The following DPYSL5 variants were observed in gnomAD, a reference collection of about 807,000 sequenced individuals.
The protein encoded by DPYSL5 is dihydropyrimidinase like 5.
DPYSL5 carries 9 observed loss-of-function variants against 58.4 expected under a neutral mutation model. The ratio of observed to expected loss-of-function variants is 0.15; its 90% CI spans 0.09 to 0.27. The LOEUF (loss-of-function observed/expected upper bound fraction) is 0.27, where lower values mean the gene tolerates loss of function less well. Among genes scored for constraint, DPYSL5 ranks in the 10% least tolerant of loss-of-function variants. The pLI is 1.00. For missense variants in DPYSL5, 499 were observed against 770.6 expected, an observed-to-expected ratio of 0.65 and a Z score of 4.17; for synonymous variants, 293 against 301.9, an observed-to-expected ratio of 0.97 and a Z score of 0.31.
Position 26,942,774 on chromosome 2 carries a change from A to G in DPYSL5, c.1440+24A>G. On this transcript the variant is annotated intron_variant, in intron 11 of 12. Coordinates refer to ENST00000288699, the MANE Select transcript of DPYSL5 (RefSeq NM_020134.4). The surrounding 1 kb of genome is among the most constrained non-coding windows in gnomAD (Gnocchi z 5.9). ...AGGTGAGGTGGGAGGAGGAAGATGC[A>G]GGGGTGTTGGCGCCCCCTGCCGGGG... The G allele has an allele frequency of 6.2e-7, 1 of 1,607,194 alleles. No individual in the cohort carries two copies. Among genetic ancestry groups the G allele is most frequent in the Non-Finnish European group, 8.5e-7 (1 of 1,174,604 alleles).
At chr2:26,868,704 GATTTCAT>G (rs1234951761) in intron 1 of DPYSL5, among the ~76,000 whole-genome samples, 3 of 152,090 alleles carry the variant, frequency 2.0e-5, no homozygotes, top group Non-Finnish European at 4.4e-5. Context: ...TAACTACGGT[GATTTCAT>G]AGAGCATATT....
rs1276800437 is a variant in DPYSL5 at position 26,949,191 on chromosome 2, A to G, written c.*2196A>G. ...CCTGCTTTGTTTTGCACAGGAAGAT[A>G]GATTTTTTTTCTCATCTTTCTTATA... On this transcript the variant is annotated 3_prime_UTR_variant, in exon 13 of 13. Transcript: ENST00000288699. 1 of 152,220 alleles carries G rather than the reference A, an allele frequency of 6.6e-6. No individual in the cohort carries two copies. The highest frequency in any genetic ancestry group is 1.5e-5 in the Non-Finnish European group (1 of 68,044). The allele number at this position is 152,220 out of a possible 1,614,324, so 9.4% of individuals were successfully genotyped here. A position where few individuals can be genotyped will look rare whatever the true frequency, so the allele number is the denominator to read the frequency against.
In DPYSL5 at chr2:26,942,030, C is replaced by A. The variant is rs372069126; in HGVS notation, c.1170C>A (p.Arg390=). The A allele has an allele frequency of 7.4e-6, 12 of 1,614,090 alleles. No individual in the cohort carries two copies. The highest frequency in any genetic ancestry group is 1.6e-4 in the Middle Eastern group (1 of 6,078). Reference sequence around the variant, plus strand: ...CTAAGCTTCTGAACCTGTATCCCCGCAAGGGCCGCATTATTCCCGGAGCCG... The same window carrying A: ...CTAAGCTTCTGAACCTGTATCCCCGAAAGGGCCGCATTATTCCCGGAGCCG... The part of the protein sequence containing the change: ...NAAKLLNLYP[R]KGRIIPGADA... The change falls in exon 10 of 13, where the codon CGC becomes CGA. Residue 390 remains arginine, a synonymous_variant. Coordinates refer to ENST00000288699, the MANE Select transcript of DPYSL5 (RefSeq NM_020134.4). The surrounding 1 kb of genome is among the most constrained non-coding windows in gnomAD (Gnocchi z 5.9).
In DPYSL5 at chr2:26,849,227, G is replaced by A. The variant is rs1258377819; in HGVS notation, c.-5+973G>A. Among the ~76,000 whole-genome samples the A allele has an allele frequency of 6.6e-6, 1 of 152,066 alleles. No homozygotes were observed. Among genetic ancestry groups the A allele is most frequent in the African/African-American group, 2.4e-5 (1 of 41,420 alleles). ...GGCTGGTTCTGCTGAAGAATGGGGA[G>A]GGGAGGAGGGATGCAGGCGGGTGGA... On this transcript the variant is annotated intron_variant, in intron 1 of 12. Coordinates refer to ENST00000288699, the MANE Select transcript of DPYSL5 (RefSeq NM_020134.4). The surrounding 1 kb of genome is among the most constrained non-coding windows in gnomAD (Gnocchi z 6.2).
chr2:26,943,138 G>A (rs746695585), intron 11 of DPYSL5, among the ~76,000 whole-genome samples: 13 of 152,116 alleles, frequency 8.5e-5, no homozygotes, highest in Admixed American at 7.9e-4. Flanking sequence ...TGAAGCAAGC[G>A]GGGGGTAGAG....
At chr2:26,874,340 A>G (rs369427686) in intron 1 of DPYSL5, among the ~76,000 whole-genome samples, 2 of 152,220 alleles carry the variant, frequency 1.3e-5, no homozygotes, top group African/African-American at 4.8e-5. Flanking sequence ...CCAAGATCCT[A>G]AAGACTTTCT....
chr2:26,937,357 G>A (rs995334012), intron 8 of DPYSL5, among the ~76,000 whole-genome samples: 131 of 151,966 alleles, frequency 8.6e-4, no homozygotes, highest in African/African-American at 2.9e-3. Context: ...TTGTAAATGG[G>A]TGCTACTTTA....
At chr2:26,890,600 C>A (rs1216372615) in intron 1 of DPYSL5, among the ~76,000 whole-genome samples, 1 of 152,236 alleles carries the variant, frequency 6.6e-6, no homozygotes, top group African/African-American at 2.4e-5. Context: ...CTCTACTGAG[C>A]TGCTTTAGAT....
chr2:26,931,548 G>A (rs1664987754), intron 5 of DPYSL5, 92 bp from the exon 6 acceptor site: 11 of 1,527,362 alleles, frequency 7.2e-6, no homozygotes, highest in Non-Finnish European at 9.9e-6. Context: ...ACCCCTATGG[G>A]TGCAGTTGCT....
chr2:26,945,244 A>T (rs1302865021), intron 12 of DPYSL5, among the ~76,000 whole-genome samples: 2 of 138,140 alleles, frequency 1.4e-5, no homozygotes, highest in Admixed American at 1.4e-4. Flanking sequence ...TCCTTCTGCT[A>T]CCCCCTCTCC....
intron 1 of DPYSL5, among the ~76,000 whole-genome samples, chr2:26,859,610 G>T (rs1289531326): frequency 2.0e-5 from 3 of 152,208 alleles, no homozygotes; most frequent in Non-Finnish European, 2.9e-5. Context: ...GAGGACAAAA[G>T]ATTCCAAGTG....
chr2:26,866,512 G>T (rs1453261988), intron 1 of DPYSL5, among the ~76,000 whole-genome samples: 4 of 151,328 alleles, frequency 2.6e-5, no homozygotes, highest in African/African-American at 7.3e-5. Context: ...CATTGTAATT[G>T]TTATTTTTTC....
At chr2:26,860,633 T>C (rs1196603967) in intron 1 of DPYSL5, among the ~76,000 whole-genome samples, 2 of 152,198 alleles carry the variant, frequency 1.3e-5, no homozygotes, top group African/African-American at 2.4e-5. Flanking sequence ...AGACATGACC[T>C]ATCATTGGAG....
intron 2 of DPYSL5, among the ~76,000 whole-genome samples, chr2:26,913,960 A>G (rs1378770799): frequency 6.6e-6 from 1 of 152,016 alleles, no homozygotes; most frequent in East Asian, 1.9e-4. Flanking sequence ...TGTAAAAAAA[A>G]AAAAAAAAAA....
intron 1 of DPYSL5, among the ~76,000 whole-genome samples, chr2:26,874,660 G>GGT (rs1466313317): frequency 6.6e-6 from 1 of 152,206 alleles, no homozygotes; most frequent in Non-Finnish European, 1.5e-5. Context: ...AAAAGCAGGA[G>GGT]GTGTCTGACT....
At chr2:26,914,033 A>C (rs1195844858) in intron 2 of DPYSL5, among the ~76,000 whole-genome samples, 1 of 151,676 alleles carries the variant, frequency 6.6e-6, no homozygotes, top group Non-Finnish European at 1.5e-5. Context: ...CCTCTGGGAG[A>C]CCCTGAAGCC....
At chr2:26,862,678 C>T (rs1020516045) in intron 1 of DPYSL5, among the ~76,000 whole-genome samples, 17 of 152,156 alleles carry the variant, frequency 1.1e-4, no homozygotes, top group African/African-American at 3.9e-4. Context: ...GGCAGAGAGC[C>T]GCTGTGTGCC....
At chr2:26,901,134 T>A (rs992230065) in intron 2 of DPYSL5, among the ~76,000 whole-genome samples, 1 of 152,114 alleles carries the variant, frequency 6.6e-6, no homozygotes, top group Non-Finnish European at 1.5e-5. Flanking sequence ...CTCCCATTTC[T>A]ACAGGTTCAG....
At chr2:26,946,864 G>A (rs200661628) in intron 12 of DPYSL5, 46 bp from the exon 13 acceptor site, 9 of 1,518,538 alleles carry the variant, frequency 5.9e-6, no homozygotes, top group Admixed American at 5.1e-5. Flanking sequence ...TGGTTTGTTA[G>A]CAGGCACAAG....
Sources: gnomAD v4.1 joint callset for allele counts (sites outside exome capture counted in the v4.1 genomes callset) on GRCh38, gnomAD v4.1.1 for gene constraint, Gnocchi (gnomAD v3.1) non-coding constraint, MANE v1.5 for transcripts, NCBI Gene and HGNC (gene_info 2026-07-23, HGNC 2026-07-21) for gene names.